CDH12: variants seen among roughly 807,000 people sequenced by gnomAD.
CDH12 encodes cadherin 12.
A neutral mutation model predicts 74.1 loss-of-function variants in CDH12; 41 were observed. The ratio of observed to expected loss-of-function variants is 0.55; its 90% CI spans 0.43 to 0.72. The LOEUF (loss-of-function observed/expected upper bound fraction) is 0.72, where lower values mean the gene tolerates loss of function less well. Among genes scored for constraint, CDH12 ranks in the 30% least tolerant of loss-of-function variants. The pLI is 0.00. For missense variants in CDH12, 945 were observed against 977.2 expected (o/e 0.97, Z 0.44); for synonymous variants, 399 against 355.0 (o/e 1.12, Z -1.39).
intron 2 of CDH12, among the ~76,000 whole-genome samples, chr5:22,504,827 C>A (rs1736316278): frequency 6.6e-6 from 1 of 151,910 alleles, no homozygotes; most frequent in South Asian, 2.1e-4. Flanking sequence ...AGAGTTTCAA[C>A]AGAGGTTTCC....
chr5:21,792,481 G>C (rs537436129), intron 10 of CDH12, among the ~76,000 whole-genome samples: 15 of 151,624 alleles, frequency 9.9e-5, no homozygotes, highest in African/African-American at 3.6e-4. Context: ...TTGTACACAT[G>C]CAATATGATT....
chr5:22,751,112 A>G (rs1157853613), intron 1 of CDH12, among the ~76,000 whole-genome samples: 1 of 151,868 alleles, frequency 6.6e-6, no homozygotes, highest in African/African-American at 2.4e-5. Context: ...GTATTGGAAA[A>G]GGAAAAGAAG....
chr5:22,164,217 C>T (rs1000903438), intron 4 of CDH12, among the ~76,000 whole-genome samples: 5 of 152,136 alleles, frequency 3.3e-5, no homozygotes, highest in African/African-American at 7.2e-5. Context: ...ACTTGGGGTT[C>T]TTGGCCTCAA....
intron 1 of CDH12, among the ~76,000 whole-genome samples, chr5:22,763,168 T>C (rs1466632464): frequency 6.6e-6 from 1 of 151,930 alleles, no homozygotes; most frequent in Non-Finnish European, 1.5e-5. Flanking sequence ...GTAATTTAAG[T>C]GTGTCTCAAA....
chr5:22,686,547 T>G (rs1314173367), intron 1 of CDH12, among the ~76,000 whole-genome samples: 1 of 152,192 alleles, frequency 6.6e-6, no homozygotes, highest in Non-Finnish European at 1.5e-5. Flanking sequence ...TGACTTTTTT[T>G]TTGAATATTA....
chr5:22,252,246 T>C (rs1753162597), intron 3 of CDH12, among the ~76,000 whole-genome samples: 1 of 151,928 alleles, frequency 6.6e-6, no homozygotes, highest in African/African-American at 2.4e-5. Flanking sequence ...GTTAGATGTA[T>C]CCCAACTTCA....
intron 1 of CDH12, among the ~76,000 whole-genome samples, chr5:22,569,322 C>G (rs1487564123): frequency 6.6e-6 from 1 of 152,112 alleles, no homozygotes; most frequent in Non-Finnish European, 1.5e-5. Flanking sequence ...GCACCCCACA[C>G]CACCACTCTC....
At chr5:22,190,151 A>G (rs1436015317) in intron 4 of CDH12, among the ~76,000 whole-genome samples, 1 of 152,220 alleles carries the variant, frequency 6.6e-6, no homozygotes, top group Non-Finnish European at 1.5e-5. Context: ...TGGGGTGATG[A>G]CCACTGGCTT....
intron 4 of CDH12, among the ~76,000 whole-genome samples, chr5:22,153,126 C>G (rs1747712507): frequency 6.6e-6 from 1 of 151,414 alleles, no homozygotes; most frequent in Non-Finnish European, 1.5e-5. Flanking sequence ...ATATATATAC[C>G]CAGAAGAGAA....
rs1050610152 is a variant in CDH12, at chr5:21,907,934, C to T, written c.527-53144G>A. 3.3e-4 allele frequency among the ~76,000 whole-genome samples: 50 copies of T among 152,118 alleles called. 1 individual carries two copies. Among genetic ancestry groups the T allele is most frequent in the African/African-American group, 1.2e-3 (49 of 41,428 alleles). ...GATATTTGAGGGAGTTTATACATGC[C>T]TTCAGCTCAGAAGAATGCCCAGTAC... On this transcript the variant is annotated intron_variant, in intron 6 of 14. Transcript: ENST00000382254.
At chr5:22,535,961 C>T (rs557427655) in intron 1 of CDH12, among the ~76,000 whole-genome samples, 2 of 152,274 alleles carry the variant, frequency 1.3e-5, no homozygotes, top group Non-Finnish European at 2.9e-5. Context: ...TAGAGTATAG[C>T]AACTATTTAC....
chr5:22,519,124 C>G (rs1251637401), intron 1 of CDH12, among the ~76,000 whole-genome samples: 2 of 152,082 alleles, frequency 1.3e-5, no homozygotes, highest in African/African-American at 4.8e-5. Context: ...ATTGGGGTGC[C>G]CTTTTCTCAG....
At chr5:22,769,537 G>T (rs1746697031) in intron 1 of CDH12, among the ~76,000 whole-genome samples, 1 of 152,032 alleles carries the variant, frequency 6.6e-6, no homozygotes, top group African/African-American at 2.4e-5. Context: ...TACCTCCTCA[G>T]CTTGGAGATA....
At chr5:22,363,653 T>C (rs1223418246) in intron 3 of CDH12, among the ~76,000 whole-genome samples, 2 of 152,212 alleles carry the variant, frequency 1.3e-5, no homozygotes, top group African/African-American at 4.8e-5. Flanking sequence ...TAGAGACCCT[T>C]GATTACATTT....
intron 4 of CDH12, among the ~76,000 whole-genome samples, chr5:22,085,697 T>TA (rs35314565): frequency 1.3e-5 from 2 of 152,080 alleles, no homozygotes; most frequent in Admixed American, 6.6e-5. Context: ...TCCATATTAT[T>TA]AAAAAAAATC....
chr5:21,957,981 C>A (rs1217038650), intron 6 of CDH12, among the ~76,000 whole-genome samples: 8 of 152,182 alleles, frequency 5.3e-5, no homozygotes, highest in Admixed American at 4.6e-4. Context: ...GAATTATAAT[C>A]TCCATAATCA....
chr5:22,206,964 A>AG (rs1240988275), intron 4 of CDH12, among the ~76,000 whole-genome samples: 1 of 151,264 alleles, frequency 6.6e-6, no homozygotes, highest in Non-Finnish European at 1.5e-5. Context: ...CTGTAATCCC[A>AG]GCACTTTGGG....
chr5:21,992,616 G>A (rs1184748873), intron 5 of CDH12, among the ~76,000 whole-genome samples: 2 of 151,982 alleles, frequency 1.3e-5, no homozygotes, highest in Non-Finnish European at 2.9e-5. Context: ...ATTGACCATA[G>A]AGGTGCATTA....
chr5:22,214,608 G>T (rs1372661660), intron 3 of CDH12, among the ~76,000 whole-genome samples: 1 of 152,068 alleles, frequency 6.6e-6, no homozygotes, highest in Non-Finnish European at 1.5e-5. Flanking sequence ...TTCTCGTATT[G>T]GTCTAAGTCC....
Sources: gnomAD v4.1 joint callset for allele counts (sites outside exome capture counted in the v4.1 genomes callset) on GRCh38, gnomAD v4.1.1 for gene constraint, MANE v1.5 for transcripts, NCBI Gene and HGNC (gene_info 2026-07-23, HGNC 2026-07-21) for gene names.